Variants in MEIS1 observed in about 807,000 individuals in gnomAD.
MEIS1 encodes the protein homeobox protein Meis1.
Under a neutral mutation model 50.8 loss-of-function variants are expected in MEIS1, and 5 were observed. That is an observed-to-expected ratio of 0.10 (90% CI 0.05 to 0.21). The LOEUF (loss-of-function observed/expected upper bound fraction) is 0.21. Ranked by LOEUF, MEIS1 falls within the 10% of genes least tolerant of loss-of-function variation. The pLI is 1.00. For missense variants in MEIS1, 318 were observed against 517.3 expected (o/e 0.61, Z 3.74); for synonymous variants, 176 against 179.3 (o/e 0.98, Z 0.15).
chr2:66,465,599 T>C (rs1398735055), intron 7 of MEIS1, among the ~76,000 whole-genome samples: 1 of 152,212 alleles, frequency 6.6e-6, no homozygotes, highest in Non-Finnish European at 1.5e-5. Flanking sequence ...TAAATTCTTT[T>C]TCCTGTAGCC....
At chr2:66,505,158 A>C (rs917559376) in intron 7 of MEIS1, among the ~76,000 whole-genome samples, 1 of 152,238 alleles carries the variant, frequency 6.6e-6, no homozygotes, top group Non-Finnish European at 1.5e-5. Context: ...CCTAAGACAG[A>C]TAATCCAAGC....
In MEIS1 at chr2:66,560,275, G is replaced by C. The variant is rs181979708; in HGVS notation, c.966-7178G>C. Among the ~76,000 whole-genome samples, 49 of 152,016 alleles carry C rather than the reference G, an allele frequency of 3.2e-4. No individual in the cohort carries two copies. The East Asian group carries it at 8.9e-3, about 28-fold the overall frequency. ...GCATCATCATTGTCAACTAGTGATTGGTTCATTTCACAAGCTGCTTTAAAG... is the reference window on the plus strand; with the variant it reads ...GCATCATCATTGTCAACTAGTGATTCGTTCATTTCACAAGCTGCTTTAAAG... On this transcript the variant is annotated intron_variant, in intron 9 of 12. Coordinates refer to ENST00000272369, the MANE Select transcript of MEIS1 (RefSeq NM_002398.3).
intron 6 of MEIS1, among the ~76,000 whole-genome samples, chr2:66,451,307 T>G (rs981386664): frequency 6.6e-6 from 1 of 152,126 alleles, no homozygotes; most frequent in African/African-American, 2.4e-5. Context: ...AATTTACATT[T>G]TATTCTGAAT....
intron 9 of MEIS1, among the ~76,000 whole-genome samples, chr2:66,566,249 G>C (rs1301062982): frequency 6.6e-6 from 1 of 152,184 alleles, no homozygotes; most frequent in African/African-American, 2.4e-5. Context: ...ACAGGATATT[G>C]AGAATCTTAA....
At chr2:66,472,117 G>A (rs1672775773) in intron 7 of MEIS1, among the ~76,000 whole-genome samples, 1 of 152,058 alleles carries the variant, frequency 6.6e-6, no homozygotes, top group African/African-American at 2.4e-5. Flanking sequence ...TGTTTTTCAG[G>A]CCAGATCTCC....
At chr2:66,439,521 G>A in intron 2 of MEIS1, 3 of 1,485,836 alleles carry the variant, frequency 2.0e-6, no homozygotes, top group Non-Finnish European at 2.7e-6. Flanking sequence ...CTTGTCGGGT[G>A]GGAAACTTAA....
chr2:66,516,987 A>G (rs905499019), intron 8 of MEIS1, among the ~76,000 whole-genome samples: 6 of 152,218 alleles, frequency 3.9e-5, no homozygotes, highest in Non-Finnish European at 7.3e-5. Context: ...TTAGGAAAAG[A>G]TAGAAGGACT....
intron 7 of MEIS1, among the ~76,000 whole-genome samples, chr2:66,477,687 G>A (rs552782308): frequency 1.6e-4 from 24 of 152,302 alleles, no homozygotes; most frequent in South Asian, 8.3e-4. Context: ...AAAATGAGGT[G>A]ACTTCCCCCT....
intron 7 of MEIS1, among the ~76,000 whole-genome samples, chr2:66,503,845 C>T (rs1459016767): frequency 2.7e-5 from 4 of 149,376 alleles, no homozygotes; most frequent in South Asian, 4.2e-4. Context: ...CCCGGGTTCG[C>T]GCCATTCTCC....
At chr2:66,471,409 T>G (rs567928975) in intron 7 of MEIS1, among the ~76,000 whole-genome samples, 1 of 152,238 alleles carries the variant, frequency 6.6e-6, no homozygotes, top group Admixed American at 6.5e-5. Context: ...ATTTGTGATG[T>G]CAATGACGTC....
chr2:66,438,568 GC>G (rs1671860595), intron 2 of MEIS1, among the ~76,000 whole-genome samples: 1 of 152,172 alleles, frequency 6.6e-6, no homozygotes, highest in Non-Finnish European at 1.5e-5. Flanking sequence ...AGATGTTTTA[GC>G]ACTTTGTGCT....
intron 9 of MEIS1, among the ~76,000 whole-genome samples, chr2:66,564,718 TTG>T (rs1675296924): frequency 6.7e-6 from 1 of 149,922 alleles, no homozygotes; most frequent in African/African-American, 2.5e-5. Flanking sequence ...GCAAAAGTAA[TTG>T]TTTTTTTTTT....
At chr2:66,438,374 T>C (rs887631623) in intron 2 of MEIS1, among the ~76,000 whole-genome samples, 3 of 152,244 alleles carry the variant, frequency 2.0e-5, no homozygotes, top group Non-Finnish European at 2.9e-5. Context: ...TTTAAGCCAC[T>C]GATTGTTCTG....
chr2:66,483,185 C>G (rs1673057687), intron 7 of MEIS1, among the ~76,000 whole-genome samples: 1 of 149,866 alleles, frequency 6.7e-6, no homozygotes. Context: ...CTGCTTAGGA[C>G]TGGTGTCCAT....
At chr2:66,523,133 C>T (rs6728018) in intron 8 of MEIS1, among the ~76,000 whole-genome samples, 35,320 of 152,066 alleles carry the variant, frequency 0.23, 5,112 homozygotes, top group Non-Finnish European at 0.33. Flanking sequence ...TTACCAAAAA[C>T]GAGGGGAAAG....
At chr2:66,503,316 C>G (rs1343482247) in intron 7 of MEIS1, among the ~76,000 whole-genome samples, 1 of 152,180 alleles carries the variant, frequency 6.6e-6, no homozygotes, top group Non-Finnish European at 1.5e-5. Context: ...GTTTTGCTTT[C>G]CCAGGTTCCA....
intron 7 of MEIS1, among the ~76,000 whole-genome samples, chr2:66,489,084 G>A (rs1248150053): frequency 6.6e-6 from 1 of 152,160 alleles, no homozygotes; most frequent in Non-Finnish European, 1.5e-5. Flanking sequence ...ATCATTGTTT[G>A]TGTTGTAATC....
At chr2:66,483,216 AT>A (rs774480552) in intron 7 of MEIS1, among the ~76,000 whole-genome samples, 1,842 of 121,022 alleles carry the variant, frequency 0.015, 38 homozygotes, top group African/African-American at 0.046. Flanking sequence ...AGTTATGCTT[AT>A]TTTTTTTTTT....
Position 66,571,586 on chromosome 2 carries a change from G to T in MEIS1, c.*378G>T, listed in dbSNP as rs1277685383. 1 of 1,540,904 alleles carries T rather than the reference G, an allele frequency of 6.5e-7. No individual in the cohort carries two copies. The highest frequency in any genetic ancestry group is 1.4e-5 in the African/African-American group (1 of 72,800). On this transcript the variant is annotated 3_prime_UTR_variant, in exon 13 of 13. Transcript: ENST00000272369. The stretch of plus-strand genomic sequence containing the variant: ...ACTGATTTCAAATCATGTTTTTTCT[G>T]CAATGACTGTGGAGTTCCATTCTTG...
Sources: gnomAD v4.1 joint callset for allele counts (sites outside exome capture counted in the v4.1 genomes callset) on GRCh38, gnomAD v4.1.1 for gene constraint, MANE v1.5 for transcripts, NCBI Gene and HGNC (gene_info 2026-07-23, HGNC 2026-07-21) for gene names.